The following BANP variants were observed in gnomAD, a reference collection of about 807,000 sequenced individuals.
BANP encodes protein BANP.
In BANP, 11 loss-of-function variants were observed where a neutral mutation model predicts 68.1. The observed-to-expected ratio is 0.16, with a 90% CI of 0.10 to 0.27. BANP has a LOEUF of 0.27. BANP is among the 10% of genes least tolerant of loss of function. The pLI is 1.00. For synonymous variants in BANP, 329 were observed against 303.2 expected (o/e 1.09, Z -0.88); for missense variants, 504 against 722.7 (o/e 0.70, Z 3.47).
intron 11 of BANP, among the ~76,000 whole-genome samples, chr16:88,062,034 C>T (rs2086960255): frequency 1.3e-5 from 2 of 152,228 alleles, no homozygotes. Flanking sequence ...ACCTTGGTTA[C>T]AGTCTCAGCC....
At chr16:88,015,072 C>T (rs143586625) in intron 6 of BANP, among the ~76,000 whole-genome samples, 3 of 144,156 alleles carry the variant, frequency 2.1e-5, no homozygotes, top group African/African-American at 5.3e-5. Flanking sequence ...ATGCCCTCTG[C>T]TCGTCTCCTC....
chr16:88,016,249 G>T (rs539196723), intron 6 of BANP, among the ~76,000 whole-genome samples: 2 of 152,254 alleles, frequency 1.3e-5, no homozygotes, highest in Non-Finnish European at 2.9e-5. Context: ...AGCATGTGGC[G>T]CTGGGAAATG....
At chr16:88,026,018 G>A (rs753510936) in intron 7 of BANP, among the ~76,000 whole-genome samples, 23 of 152,190 alleles carry the variant, frequency 1.5e-4, no homozygotes, top group East Asian at 5.8e-4. Flanking sequence ...GTGGCCGGGC[G>A]TGCAGTGGGG....
chr16:87,964,390 A>G (rs1183675152), intron 1 of BANP, among the ~76,000 whole-genome samples: 1 of 152,260 alleles, frequency 6.6e-6, no homozygotes, highest in African/African-American at 2.4e-5. Context: ...TAAGTCAGAC[A>G]GTAGAGCAGG....
chr16:87,967,622 A>ATT (rs375783410), intron 1 of BANP, among the ~76,000 whole-genome samples: 3,430 of 120,526 alleles, frequency 0.028, 225 homozygotes, highest in African/African-American at 0.1. Context: ...CACCCAGTTA[A>ATT]TTTTTTTTTT....
chr16:88,062,471 CT>C (rs1398759519), intron 11 of BANP, among the ~76,000 whole-genome samples: 1 of 152,204 alleles, frequency 6.6e-6, no homozygotes, highest in Admixed American at 6.5e-5. Flanking sequence ...TTTCTTTTAT[CT>C]GAAAACAACT....
At chr16:88,038,933 A>G (rs1189837320) in intron 11 of BANP, among the ~76,000 whole-genome samples, 3 of 152,190 alleles carry the variant, frequency 2.0e-5, no homozygotes, top group Non-Finnish European at 4.4e-5. Context: ...TTTCAAAACC[A>G]CAGTGCACTG....
rs2084170933 is a variant in BANP at position 88,053,972 on chromosome 16, C to T, written c.1312-11295C>T. ...ACAACCACCCTAACAGCCACTCCCA[C>T]CTCCTTCACTATCATCACCATCACC... On this transcript the variant is annotated intron_variant, in intron 11 of 13. Transcript: ENST00000682872. Among the ~76,000 whole-genome samples, 2 of 98,396 alleles carry T rather than the reference C, an allele frequency of 2.0e-5. 1 individual carries two copies. The highest frequency in any genetic ancestry group is 5.9e-4 in the South Asian group (2 of 3,366). 64.6% of individuals were successfully genotyped at this position (98,396 alleles called of 152,430 possible).
At chr16:88,045,822 C>G (rs1217442456) in intron 11 of BANP, among the ~76,000 whole-genome samples, 1 of 151,946 alleles carries the variant, frequency 6.6e-6, no homozygotes, top group African/African-American at 2.4e-5. Context: ...GTGTCCCAGT[C>G]TCAGGGCGGC....
In BANP at chr16:87,967,159, G is replaced by A. The variant is rs188593513; in HGVS notation, c.-68-7889G>A. Among the ~76,000 whole-genome samples, 3 of 152,310 alleles carry A rather than the reference G, an allele frequency of 2.0e-5. No individual in the cohort carries two copies. In the East Asian group the frequency reaches 5.8e-4, roughly 29 times the overall value. ...TCTTCCGTGAGCTCTGGGGAGAGCA[G>A]GTACTGGCACCGGCAGCTAGGACTC... On this transcript the variant is annotated intron_variant, in intron 1 of 13. Coordinates refer to ENST00000682872, the MANE Select transcript of BANP (RefSeq NM_001386991.1).
rs1007856025 is a variant in BANP, at chr16:88,002,191, A to G, written c.363-2104A>G. Among the ~76,000 whole-genome samples the G allele has an allele frequency of 6.6e-6, 1 of 151,050 alleles. No individual in the cohort carries two copies. The highest frequency in any genetic ancestry group is 1.5e-5 in the Non-Finnish European group (1 of 67,854). Reference sequence around the variant, plus strand: ...TTTTTATAACTCTGGGTGCTGGGAAACTTGGGTCCCATCGGTAATATGTGG... The same window carrying G: ...TTTTTATAACTCTGGGTGCTGGGAAGCTTGGGTCCCATCGGTAATATGTGG... On this transcript the variant is annotated intron_variant, in intron 4 of 13. Coordinates refer to ENST00000682872, the MANE Select transcript of BANP (RefSeq NM_001386991.1). This position sits in a 1 kb window ranked among gnomAD's most constrained non-coding sequence, Gnocchi z 4.6.
At chr16:87,979,524 G>C (rs2062854013) in intron 2 of BANP, among the ~76,000 whole-genome samples, 1 of 152,146 alleles carries the variant, frequency 6.6e-6, no homozygotes, top group Non-Finnish European at 1.5e-5. Context: ...GAGGTGGCTG[G>C]AGGGTTGGCA....
chr16:88,064,772 C>T lies in BANP; in HGVS notation c.1312-495C>T, dbSNP rs1487240118. Among the ~76,000 whole-genome samples, 1 of 152,194 alleles carries T rather than the reference C, an allele frequency of 6.6e-6. No individual in the cohort carries two copies. The highest frequency in any genetic ancestry group is 1.5e-5 in the Non-Finnish European group (1 of 68,036). ...CGGTTGGGGGTGCTGCCGCTCTTGCCCGCAGGGCACTCCTCTGGCTGGGAT... is the reference window on the plus strand; with the variant it reads ...CGGTTGGGGGTGCTGCCGCTCTTGCTCGCAGGGCACTCCTCTGGCTGGGAT... On this transcript the variant is annotated intron_variant, in intron 11 of 13. Transcript: ENST00000682872. The surrounding 1 kb of genome is among the most constrained non-coding windows in gnomAD (Gnocchi z 4.5).
chr16:87,970,600 CT>C (rs979200184), intron 1 of BANP, among the ~76,000 whole-genome samples: 12 of 152,256 alleles, frequency 7.9e-5, no homozygotes, highest in African/African-American at 2.9e-4. Context: ...ATATTATTAA[CT>C]CATGAATTTA....
At chr16:88,034,435 A>G (rs185869456) in intron 9 of BANP, among the ~76,000 whole-genome samples, 146 of 151,962 alleles carry the variant, frequency 9.6e-4, no homozygotes, top group African/African-American at 3.4e-3. Context: ...TATAGGAATT[A>G]TTTGTCTGCC....
At chr16:87,978,495 G>A (rs888436787) in intron 2 of BANP, 1 of 404,048 alleles carries the variant, frequency 2.5e-6, no homozygotes, top group African/African-American at 2.1e-5. Context: ...GAGGTCCTGA[G>A]AACCTTTGAC....
intron 3 of BANP, among the ~76,000 whole-genome samples, chr16:87,983,518 G>C (rs1451767241): frequency 6.6e-6 from 1 of 152,158 alleles, no homozygotes; most frequent in African/African-American, 2.4e-5. Flanking sequence ...AAGGTCAGAC[G>C]TGGAGCCCGG....
At chr16:88,059,380 C>G (rs1455310771) in intron 11 of BANP, among the ~76,000 whole-genome samples, 1 of 152,048 alleles carries the variant, frequency 6.6e-6, no homozygotes, top group Non-Finnish European at 1.5e-5. Context: ...TCTCTGTGTT[C>G]AAATCTGCTT....
chr16:87,996,448 C>T (rs74808916), intron 4 of BANP, among the ~76,000 whole-genome samples: 8 of 145,284 alleles, frequency 5.5e-5, no homozygotes, highest in Admixed American at 4.1e-4. Flanking sequence ...GCTGGGCCCT[C>T]GTCCGGGTGC....
Sources: allele counts gnomAD v4.1 joint callset (sites outside exome capture counted in the v4.1 genomes callset), GRCh38; gene constraint gnomAD v4.1.1; non-coding constraint Gnocchi (gnomAD v3.1); transcripts MANE v1.5; gene names NCBI Gene and HGNC (gene_info 2026-07-23, HGNC 2026-07-21).